Variants in CORIN observed in about 807,000 individuals in gnomAD.
CORIN encodes corin, serine peptidase.
A neutral mutation model predicts 125.3 loss-of-function variants in CORIN; 117 were observed. The ratio of observed to expected loss-of-function variants is 0.93; its 90% confidence interval spans 0.80 to 1.09. CORIN has a LOEUF of 1.09. Among genes scored for constraint, CORIN ranks in the 50% least tolerant of loss-of-function variants. CORIN has a pLI of 0.00. For synonymous variants in CORIN, 450 were observed against 466.4 expected (o/e 0.96, Z 0.45); for missense variants, 1,253 against 1,306.7 (o/e 0.96, Z 0.63).
chr4:47,753,461 G>C (rs1728999892), intron 4 of CORIN, among the ~76,000 whole-genome samples: 1 of 152,042 alleles, frequency 6.6e-6, no homozygotes, highest in Non-Finnish European at 1.5e-5. Flanking sequence ...TAAGCCTGAG[G>C]GTACTGCAGG....
intron 7 of CORIN, chr4:47,681,479 C>A (rs533768430): frequency 6.6e-6 from 1 of 152,326 alleles, no homozygotes; most frequent in South Asian, 2.1e-4. Flanking sequence ...ATGCTACCTG[C>A]ATGCTGGCCC....
intron 19 of CORIN, among the ~76,000 whole-genome samples, chr4:47,604,217 C>G (rs1158689797): frequency 6.6e-6 from 1 of 152,206 alleles, no homozygotes; most frequent in African/African-American, 2.4e-5. Context: ...CACTTGGCTT[C>G]CAGGTCTTGC....
chr4:47,622,568 T>C (rs907574472), intron 19 of CORIN, among the ~76,000 whole-genome samples: 2 of 151,948 alleles, frequency 1.3e-5, no homozygotes, highest in African/African-American at 4.8e-5. Context: ...GGTATCTCAT[T>C]GTGGTTGTGA....
chr4:47,762,245 C>T (rs891959001), intron 4 of CORIN, among the ~76,000 whole-genome samples: 3 of 152,100 alleles, frequency 2.0e-5, no homozygotes, highest in African/African-American at 7.2e-5. Flanking sequence ...GCCATTCCAT[C>T]ATGTATGTAT....
chr4:47,612,463 C>T (rs745676346), intron 19 of CORIN, among the ~76,000 whole-genome samples: 2 of 152,156 alleles, frequency 1.3e-5, no homozygotes, highest in Non-Finnish European at 2.9e-5. Flanking sequence ...AGATTGGCAG[C>T]CTGGATGTCT....
intron 19 of CORIN, among the ~76,000 whole-genome samples, chr4:47,615,582 G>A (rs919949525): frequency 2.6e-5 from 4 of 152,120 alleles, no homozygotes; most frequent in Non-Finnish European, 5.9e-5. Flanking sequence ...GTATAATGCC[G>A]GCAGGCACAC....
At chr4:47,598,193 A>G (rs1015584840) in intron 21 of CORIN, among the ~76,000 whole-genome samples, 1 of 152,218 alleles carries the variant, frequency 6.6e-6, no homozygotes, top group Non-Finnish European at 1.5e-5. Flanking sequence ...ATTCAGGTTT[A>G]TAGATTGTCA....
rs975383406 is a variant in CORIN, at chr4:47,595,119, T to C, written c.*602A>G. 11 of 152,190 alleles carry C rather than the reference T, an allele frequency of 7.2e-5. No individual in the cohort carries two copies. The highest frequency in any genetic ancestry group is 2.2e-4 in the African/African-American group (9 of 41,458). 9.4% of individuals were successfully genotyped at this position (152,190 alleles called of 1,614,324 possible). A position where few individuals can be genotyped will look rare whatever the true frequency, so the allele number is the denominator to read the frequency against. ...ACATGTAAATTATCTTGGCTTTTAATAAATCAAATGACGAGTTACTGGGTT... is the reference window on the plus strand; with the variant it reads ...ACATGTAAATTATCTTGGCTTTTAACAAATCAAATGACGAGTTACTGGGTT... On this transcript the variant is annotated 3_prime_UTR_variant, in exon 22 of 22. Transcript: ENST00000273857.
chr4:47,744,009 T>C (rs1408285968), intron 5 of CORIN, among the ~76,000 whole-genome samples: 1 of 152,204 alleles, frequency 6.6e-6, no homozygotes, highest in Non-Finnish European at 1.5e-5. Context: ...CAATCATATA[T>C]TAGAATGCTG....
intron 6 of CORIN, among the ~76,000 whole-genome samples, chr4:47,685,812 G>A (rs1357796522): frequency 1.3e-5 from 2 of 151,272 alleles, no homozygotes; most frequent in South Asian, 2.1e-4. Flanking sequence ...GAAAATAGGC[G>A]GAATTTCAAT....
intron 2 of CORIN, among the ~76,000 whole-genome samples, chr4:47,788,672 A>C (rs1331264077): frequency 6.6e-6 from 1 of 152,166 alleles, no homozygotes; most frequent in Non-Finnish European, 1.5e-5. Context: ...CCATTTGTTA[A>C]TTGCTCTCTT....
intron 1 of CORIN, among the ~76,000 whole-genome samples, chr4:47,821,496 A>C (rs1560564905): frequency 6.6e-6 from 1 of 151,824 alleles, no homozygotes; most frequent in Non-Finnish European, 1.5e-5. Flanking sequence ...TTATAAAAAA[A>C]ACTGTCTGAA....
chr4:47,667,725 C>T (rs1423677164), intron 10 of CORIN, among the ~76,000 whole-genome samples: 1 of 152,104 alleles, frequency 6.6e-6, no homozygotes, highest in Non-Finnish European at 1.5e-5. Flanking sequence ...AGACACAACA[C>T]TGAAAGGCTG....
At chr4:47,816,310 A>G (rs929451721) in intron 1 of CORIN, among the ~76,000 whole-genome samples, 11 of 152,222 alleles carry the variant, frequency 7.2e-5, no homozygotes, top group African/African-American at 2.7e-4. Context: ...CATTCATCAT[A>G]TGTTTTGCTA....
At chr4:47,729,262 C>A (rs1577869320) in intron 5 of CORIN, among the ~76,000 whole-genome samples, 1 of 152,096 alleles carries the variant, frequency 6.6e-6, no homozygotes, top group African/African-American at 2.4e-5. Context: ...TGTTAAATAC[C>A]AGAAAAGTTG....
At chr4:47,707,921 C>T (rs571468273) in intron 5 of CORIN, among the ~76,000 whole-genome samples, 2 of 152,184 alleles carry the variant, frequency 1.3e-5, no homozygotes, top group Non-Finnish European at 2.9e-5. Context: ...TTATCTGGTG[C>T]TTTCTCTTCA....
intron 2 of CORIN, among the ~76,000 whole-genome samples, chr4:47,800,516 T>A (rs1032105071): frequency 6.6e-6 from 1 of 152,066 alleles, no homozygotes; most frequent in African/African-American, 2.4e-5. Flanking sequence ...ACCAGACAGA[T>A]CTGTCCAGGG....
intron 5 of CORIN, chr4:47,706,844 C>T: frequency 1.9e-6 from 3 of 1,598,486 alleles, no homozygotes; most frequent in Middle Eastern, 2.1e-4. Context: ...AGTCCACAAG[C>T]ACAGGGAGAT....
At chr4:47,740,701 A>T (rs1296569439) in intron 5 of CORIN, among the ~76,000 whole-genome samples, 1 of 151,980 alleles carries the variant, frequency 6.6e-6, no homozygotes, top group African/African-American at 2.4e-5. Flanking sequence ...AAGTTAAAGT[A>T]TGCACACTTC....
Sources: gnomAD v4.1 joint callset for allele counts (sites outside exome capture counted in the v4.1 genomes callset) on GRCh38, gnomAD v4.1.1 for gene constraint, MANE v1.5 for transcripts, NCBI Gene and HGNC (gene_info 2026-07-23, HGNC 2026-07-21) for gene names.